NPAS3: variants seen among roughly 807,000 people sequenced by gnomAD.
The protein encoded by NPAS3 is neuronal PAS domain-containing protein 3.
Under a neutral mutation model 73.1 loss-of-function variants are expected in NPAS3, and 14 were observed. The ratio of observed to expected loss-of-function variants is 0.19; its 90% CI spans 0.13 to 0.30. NPAS3 has a LOEUF of 0.30. Among genes scored for constraint, NPAS3 ranks in the 10% least tolerant of loss-of-function variants. The pLI, the probability that NPAS3 is intolerant of heterozygous loss-of-function variation, is 1.00. For missense variants in NPAS3, 1,096 were observed against 1,250.0 expected (o/e 0.88, Z 1.86); for synonymous variants, 620 against 541.5 (o/e 1.14, Z -2.01).
intron 2 of NPAS3, among the ~76,000 whole-genome samples, chr14:33,115,750 GAT>G (rs2043042566): frequency 6.6e-6 from 1 of 152,096 alleles, no homozygotes; most frequent in South Asian, 2.1e-4. Flanking sequence ...GATTTGTTTT[GAT>G]AGAGACTTTG....
intron 7 of NPAS3, among the ~76,000 whole-genome samples, chr14:33,746,551 A>G (rs1264989760): frequency 6.7e-6 from 1 of 148,884 alleles, no homozygotes; most frequent in African/African-American, 2.5e-5. Flanking sequence ...AGTTAAATAT[A>G]TTTGTAACAC....
At chr14:33,347,254 G>T (rs1333448916) in intron 3 of NPAS3, among the ~76,000 whole-genome samples, 1 of 152,158 alleles carries the variant, frequency 6.6e-6, no homozygotes, top group African/African-American at 2.4e-5. Flanking sequence ...TTCTAATGGG[G>T]TTATTTGTAT....
At chr14:33,308,897 A>G (rs1175851981) in intron 3 of NPAS3, among the ~76,000 whole-genome samples, 1 of 152,180 alleles carries the variant, frequency 6.6e-6, no homozygotes, top group African/African-American at 2.4e-5. Context: ...AAAAGTTTTT[A>G]TTATATATAG....
chr14:33,610,874 C>G (rs971237621), intron 5 of NPAS3: 5 of 152,196 alleles, frequency 3.3e-5, no homozygotes, highest in Non-Finnish European at 7.3e-5. Context: ...CAGGGTTGTT[C>G]TAAAAACTTT....
intron 4 of NPAS3, among the ~76,000 whole-genome samples, chr14:33,470,805 T>G (rs2050744449): frequency 6.6e-6 from 1 of 152,120 alleles, no homozygotes. Context: ...TGAAGTTAAC[T>G]AGACACACTT....
intron 4 of NPAS3, among the ~76,000 whole-genome samples, chr14:33,523,641 G>C (rs893007221): frequency 1.3e-5 from 2 of 151,608 alleles, no homozygotes; most frequent in East Asian, 2.0e-4. Context: ...ATAGCCGGGC[G>C]TGGTGGCAGG....
At chr14:33,084,559 C>G (rs1032420871) in intron 2 of NPAS3, among the ~76,000 whole-genome samples, 7 of 152,168 alleles carry the variant, frequency 4.6e-5, no homozygotes, top group African/African-American at 1.7e-4. Flanking sequence ...TGGAAGGTGG[C>G]TAACCCTTCC....
chr14:32,955,739 T>C (rs1384360275), intron 1 of NPAS3, among the ~76,000 whole-genome samples: 3 of 152,180 alleles, frequency 2.0e-5, no homozygotes, highest in Non-Finnish European at 4.4e-5. Context: ...GTTCTAATTC[T>C]GCCTATTGAT....
chr14:33,307,593 A>G (rs891118276), intron 3 of NPAS3, among the ~76,000 whole-genome samples: 17 of 138,950 alleles, frequency 1.2e-4, no homozygotes, highest in East Asian at 5.7e-4. Context: ...TTTTTTTTCA[A>G]TGTGTGTGTG....
intron 2 of NPAS3, among the ~76,000 whole-genome samples, chr14:33,079,325 C>CCTTTTTTT: frequency 7.6e-6 from 1 of 132,300 alleles, no homozygotes; most frequent in South Asian, 2.5e-4. Context: ...TTTCTTTTTC[C>CCTTTTTTT]TTTTTTTTTT....
intron 4 of NPAS3, among the ~76,000 whole-genome samples, chr14:33,512,514 A>G (rs1555405109): frequency 6.6e-6 from 1 of 152,094 alleles, no homozygotes; most frequent in Non-Finnish European, 1.5e-5. Context: ...GTTATAACAA[A>G]TGGTTCAAAC....
At chr14:33,784,731 TTATTTATTTA>T in intron 9 of NPAS3, among the ~76,000 whole-genome samples, 1 of 103,136 alleles carries the variant, frequency 9.7e-6, no homozygotes, top group Middle Eastern at 4.4e-3. Flanking sequence ...TTTTATTTAT[TTATTTATTTA>T]TTTATTTTTT....
At chr14:33,657,616 G>A (rs886111409) in intron 5 of NPAS3, among the ~76,000 whole-genome samples, 1 of 152,266 alleles carries the variant, frequency 6.6e-6, no homozygotes, top group Admixed American at 6.5e-5. Flanking sequence ...TAATAAAGAG[G>A]GGAAGAGGAA....
At chr14:32,983,172 C>A (rs1333105731) in intron 1 of NPAS3, among the ~76,000 whole-genome samples, 8 of 152,012 alleles carry the variant, frequency 5.3e-5, no homozygotes, top group Non-Finnish European at 8.8e-5. Context: ...TGAATATATG[C>A]CCCATTAAAG....
intron 3 of NPAS3, among the ~76,000 whole-genome samples, chr14:33,297,642 A>C (rs1460481615): frequency 6.6e-6 from 1 of 152,176 alleles, no homozygotes; most frequent in Non-Finnish European, 1.5e-5. Flanking sequence ...AAACAGACTA[A>C]AATAAATATT....
chr14:33,112,576 A>G (rs1277083283), intron 2 of NPAS3, among the ~76,000 whole-genome samples: 1 of 152,210 alleles, frequency 6.6e-6, no homozygotes, highest in African/African-American at 2.4e-5. Context: ...GCCCTTTGTC[A>G]GATGAGTAGA....
chr14:33,394,985 C>T (rs1046745516), intron 4 of NPAS3, among the ~76,000 whole-genome samples: 11 of 152,036 alleles, frequency 7.2e-5, no homozygotes, highest in African/African-American at 2.7e-4. Flanking sequence ...AGCCAAAAAC[C>T]ATTAGTAAAT....
intron 3 of NPAS3, among the ~76,000 whole-genome samples, chr14:33,290,043 G>A (rs1025337448): frequency 3.3e-5 from 5 of 152,136 alleles, no homozygotes. Flanking sequence ...CCATTTGGGA[G>A]CTGCCTGTTT....
At chr14:33,697,211 G>C (rs1365698026) in intron 6 of NPAS3, among the ~76,000 whole-genome samples, 1 of 152,136 alleles carries the variant, frequency 6.6e-6, no homozygotes, top group East Asian at 1.9e-4. Context: ...AGACTTTTCT[G>C]AGCTATCTTT....
Sources: allele counts gnomAD v4.1 joint callset (sites outside exome capture counted in the v4.1 genomes callset), GRCh38; gene constraint gnomAD v4.1.1; transcripts MANE v1.5; gene names NCBI Gene and HGNC (gene_info 2026-07-23, HGNC 2026-07-21).